The following ADAMTSL1 variants were observed in gnomAD, a reference collection of about 807,000 sequenced individuals.
The protein encoded by ADAMTSL1 is ADAMTS-like protein 1.
ADAMTSL1 carries 126 observed loss-of-function variants against 201.8 expected under a neutral mutation model. The ratio of observed to expected loss-of-function variants is 0.62; its 90% CI spans 0.54 to 0.72. The LOEUF (loss-of-function observed/expected upper bound fraction) is 0.72. ADAMTSL1 is among the 30% of genes least tolerant of loss of function. The pLI is 0.00. For synonymous variants in ADAMTSL1, 1,121 were observed against 903.4 expected (o/e 1.24, Z -4.32); for missense variants, 2,679 against 2,277.8 (o/e 1.18, Z -3.59).
chr9:18,056,527 T>A (rs1341908772), intron 1 of ADAMTSL1, among the ~76,000 whole-genome samples: 2 of 152,128 alleles, frequency 1.3e-5, no homozygotes, highest in African/African-American at 2.4e-5. Context: ...CTCATCTCGG[T>A]ATAAACAACA....
chr9:18,057,433 G>C (rs1170394399), intron 1 of ADAMTSL1, among the ~76,000 whole-genome samples: 1 of 152,140 alleles, frequency 6.6e-6, no homozygotes, highest in Non-Finnish European at 1.5e-5. Context: ...CCCAATATGA[G>C]TGTTAGAAGT....
At chr9:18,604,871 C>T (rs868499360) in intron 4 of ADAMTSL1, among the ~76,000 whole-genome samples, 5 of 152,294 alleles carry the variant, frequency 3.3e-5, no homozygotes, top group Middle Eastern at 3.4e-3. Flanking sequence ...TTTACATTCC[C>T]ACCAGTTCTG....
At chr9:18,072,792 G>GAA (rs1335501574) in intron 1 of ADAMTSL1, among the ~76,000 whole-genome samples, 2 of 152,242 alleles carry the variant, frequency 1.3e-5, no homozygotes, top group African/African-American at 4.8e-5. Context: ...GGGCGATGAA[G>GAA]AATAGTGGAG....
chr9:18,582,963 A>T (rs1463069613), intron 4 of ADAMTSL1, among the ~76,000 whole-genome samples: 1 of 152,208 alleles, frequency 6.6e-6, no homozygotes, highest in Admixed American at 6.5e-5. Flanking sequence ...GCCATGTGAG[A>T]CATGGCTATC....
At chr9:18,767,696 A>C (rs767992052) in intron 16 of ADAMTSL1, among the ~76,000 whole-genome samples, 2 of 152,224 alleles carry the variant, frequency 1.3e-5, no homozygotes, top group African/African-American at 2.4e-5. Flanking sequence ...GCATTATTCT[A>C]GGCAGTGCGG....
In ADAMTSL1 at chr9:18,326,829, A is replaced by G. The variant is rs143965009; in HGVS notation, c.207+162848A>G. Among the ~76,000 whole-genome samples, 149 of 152,310 alleles carry G rather than the reference A, an allele frequency of 9.8e-4. 1 individual carries two copies. The highest frequency in any genetic ancestry group is 3.0e-3 in the African/African-American group (124 of 41,572). ...ATTTTTCCTAATGTGGAGCTTTTAT[A>G]TGAGAATGTCTCTAATATAAGGCTA... On this transcript the variant is annotated intron_variant, in intron 2 of 29. Transcript: ENST00000680146.
chr9:18,846,736 G>A lies in ADAMTSL1; in HGVS notation c.4249+16759G>A, dbSNP rs188996800. 1.5e-4 allele frequency among the ~76,000 whole-genome samples: 23 copies of A among 152,286 alleles called. No individual in the cohort carries two copies. In the East Asian group the frequency reaches 2.7e-3, roughly 18 times the overall value. Reference sequence around the variant, plus strand: ...TTCCAGGTAACCATAGATTACTGTGGCATAAAGTACAGAGGTGGAAAAAAA... The same window carrying A: ...TTCCAGGTAACCATAGATTACTGTGACATAAAGTACAGAGGTGGAAAAAAA... On this transcript the variant is annotated intron_variant, in intron 23 of 28. Transcript: ENST00000380548.
At chr9:18,622,509 C>G (rs1196719730) in intron 5 of ADAMTSL1, 140 bp downstream of exon 5, 7 of 1,290,174 alleles carry the variant, frequency 5.4e-6, no homozygotes, top group Middle Eastern at 2.1e-4. Context: ...GCTTCATGCT[C>G]TGGCATGTGA....
intron 4 of ADAMTSL1, among the ~76,000 whole-genome samples, chr9:18,600,342 A>G (rs1824559428): frequency 6.6e-6 from 1 of 152,202 alleles, no homozygotes; most frequent in Non-Finnish European, 1.5e-5. Flanking sequence ...AACCCCATCT[A>G]CTGCCCAAAA....
At chr9:18,532,950 T>G (rs1322230462) in intron 2 of ADAMTSL1, among the ~76,000 whole-genome samples, 1 of 151,950 alleles carries the variant, frequency 6.6e-6, no homozygotes, top group Non-Finnish European at 1.5e-5. Context: ...GAATGTCAGT[T>G]TTTTCAGAAA....
At chr9:18,118,315 T>C (rs117317794) in intron 1 of ADAMTSL1, among the ~76,000 whole-genome samples, 1 of 152,306 alleles carries the variant, frequency 6.6e-6, no homozygotes, top group East Asian at 1.9e-4. Flanking sequence ...AAAAGGAGGA[T>C]CCAGTGTGAA....
chr9:18,207,244 A>G (rs557589034), intron 2 of ADAMTSL1, among the ~76,000 whole-genome samples: 1 of 152,144 alleles, frequency 6.6e-6, no homozygotes, highest in South Asian at 2.1e-4. Context: ...GGAAAAAGGA[A>G]GAGAGGAAAG....
chr9:18,184,738 T>G (rs751354559), intron 2 of ADAMTSL1, among the ~76,000 whole-genome samples: 1 of 152,194 alleles, frequency 6.6e-6, no homozygotes, highest in Admixed American at 6.5e-5. Flanking sequence ...GAAAAAAATA[T>G]GAGGCAGCAA....
chr9:18,796,157 G>C (rs1311151199), intron 20 of ADAMTSL1, among the ~76,000 whole-genome samples: 1 of 152,154 alleles, frequency 6.6e-6, no homozygotes, highest in Non-Finnish European at 1.5e-5. Flanking sequence ...AAGACATGTA[G>C]AGCTTTTATA....
At chr9:18,322,934 G>T (rs907443615) in intron 2 of ADAMTSL1, among the ~76,000 whole-genome samples, 2 of 152,174 alleles carry the variant, frequency 1.3e-5, no homozygotes, top group African/African-American at 4.8e-5. Flanking sequence ...AGGCTAGTTT[G>T]TTTAGACTAG....
At chr9:18,598,784 G>T (rs1239330760) in intron 4 of ADAMTSL1, among the ~76,000 whole-genome samples, 1 of 152,078 alleles carries the variant, frequency 6.6e-6, no homozygotes, top group Non-Finnish European at 1.5e-5. Flanking sequence ...TGTGAGCATG[G>T]GTTTATAAAT....
intron 23 of ADAMTSL1, among the ~76,000 whole-genome samples, chr9:18,862,184 G>C (rs1827254968): frequency 6.6e-6 from 1 of 152,188 alleles, no homozygotes; most frequent in Admixed American, 6.5e-5. Flanking sequence ...TGGTTCAGCA[G>C]AAGAGAAATG....
chr9:18,103,247 A>G (rs1393931486), intron 1 of ADAMTSL1, among the ~76,000 whole-genome samples: 2 of 152,150 alleles, frequency 1.3e-5, no homozygotes, highest in East Asian at 1.9e-4. Flanking sequence ...TTTTCATTGT[A>G]CATATTTTAC....
intron 2 of ADAMTSL1, among the ~76,000 whole-genome samples, chr9:18,176,489 C>T (rs943709225): frequency 4.6e-5 from 7 of 152,110 alleles, no homozygotes; most frequent in African/African-American, 7.2e-5. Context: ...TTCTGTATCA[C>T]GTGCTGCCTT....
Sources: allele counts gnomAD v4.1 joint callset (sites outside exome capture counted in the v4.1 genomes callset), GRCh38; gene constraint gnomAD v4.1.1; transcripts MANE v1.5; gene names NCBI Gene and HGNC (gene_info 2026-07-23, HGNC 2026-07-21).